The following SPAG17 variants were observed in gnomAD, a reference collection of about 807,000 sequenced individuals.
The protein encoded by SPAG17 is sperm-associated antigen 17.
A neutral mutation model predicts 273.6 loss-of-function variants in SPAG17; 169 were observed. The observed-to-expected ratio is 0.62, with a 90% confidence interval of 0.55 to 0.70. SPAG17 has a LOEUF of 0.70. Ranked by LOEUF, SPAG17 falls within the 30% of genes least tolerant of loss-of-function variation. The pLI, the probability that SPAG17 is intolerant of heterozygous loss-of-function variation, is 0.00. For synonymous variants in SPAG17, 825 were observed against 873.2 expected, an observed-to-expected ratio of 0.94 and a Z score of 0.97; for missense variants, 2,557 against 2,627.8, an observed-to-expected ratio of 0.97 and a Z score of 0.59.
At chr1:118,045,726 T>C (rs6696597) in intron 20 of SPAG17, among the ~76,000 whole-genome samples, 56,274 of 152,044 alleles carry the variant, frequency 0.37, 11,533 homozygotes, top group Non-Finnish European at 0.46. Context: ...ATACTTGTGA[T>C]TGGCATCTGA....
At chr1:117,984,225 G>A (rs1656157654) in intron 41 of SPAG17, among the ~76,000 whole-genome samples, 1 of 152,174 alleles carries the variant, frequency 6.6e-6, no homozygotes, top group Admixed American at 6.5e-5. Context: ...TGGTCCTACA[G>A]GTAGGCTGAA....
intron 28 of SPAG17, among the ~76,000 whole-genome samples, 185 bp from the exon 29 acceptor site, chr1:118,016,367 T>C (rs1280724672): frequency 6.6e-6 from 1 of 152,194 alleles, no homozygotes; most frequent in Non-Finnish European, 1.5e-5. Flanking sequence ...ATAGCGTAAT[T>C]TTAGCACTTA....
intron 3 of SPAG17, among the ~76,000 whole-genome samples, chr1:118,117,562 C>A (rs987940685): frequency 1.3e-5 from 2 of 152,210 alleles, no homozygotes; most frequent in South Asian, 2.1e-4. Flanking sequence ...CCTGCCCTGA[C>A]ATGGGGAGAC....
intron 1 of SPAG17, among the ~76,000 whole-genome samples, chr1:118,175,913 T>C (rs1293562151): frequency 1.3e-5 from 2 of 152,260 alleles, no homozygotes; most frequent in African/African-American, 4.8e-5. Flanking sequence ...ATAATAGCTA[T>C]AGCAACCTGG....
chr1:118,109,847 A>C (rs947231058), intron 4 of SPAG17, among the ~76,000 whole-genome samples: 6 of 152,152 alleles, frequency 3.9e-5, no homozygotes, highest in South Asian at 2.1e-4. Flanking sequence ...CATAAATTTG[A>C]GAGACCGTAG....
intron 20 of SPAG17, among the ~76,000 whole-genome samples, chr1:118,048,625 C>G (rs548475651): frequency 1.3e-5 from 2 of 152,280 alleles, no homozygotes; most frequent in Admixed American, 6.5e-5. Flanking sequence ...CAGCCGGGCG[C>G]AGTGGCTCAC....
chr1:118,159,357 TC>T (rs1328031943), intron 1 of SPAG17, among the ~76,000 whole-genome samples: 2 of 152,164 alleles, frequency 1.3e-5, no homozygotes, highest in African/African-American at 4.8e-5. Flanking sequence ...TTGGGTAGTG[TC>T]AAATTCTGCC....
chr1:118,177,866 T>C (rs1411070778), intron 1 of SPAG17, among the ~76,000 whole-genome samples: 1 of 152,046 alleles, frequency 6.6e-6, no homozygotes, highest in Non-Finnish European at 1.5e-5. Context: ...GATTGAACCA[T>C]GAATAAATAG....
At chr1:118,042,290 G>T (rs1451023450) in intron 20 of SPAG17, among the ~76,000 whole-genome samples, 1 of 151,990 alleles carries the variant, frequency 6.6e-6, no homozygotes, top group Non-Finnish European at 1.5e-5. Flanking sequence ...GGTTTATTTT[G>T]CAATTTCCTT....
At chr1:118,014,367 T>C (rs555625215) in intron 29 of SPAG17, among the ~76,000 whole-genome samples, 6 of 152,230 alleles carry the variant, frequency 3.9e-5, no homozygotes, top group Admixed American at 6.5e-5. Context: ...GTGATAGAGA[T>C]GAATGAGGGA....
Position 118,150,635 on chromosome 1 carries a change from AG to A in SPAG17, c.229-7del. On this transcript the variant is annotated splice_polypyrimidine_tract_variant and splice_region_variant and intron_variant, in intron 2 of 48. Coordinates refer to ENST00000336338, the MANE Select transcript of SPAG17 (RefSeq NM_206996.4). ...AGTGTATTTATTTCATTAATCTGTA[AG>A]AAAATTAAATTTACTTATGATGAAA... is the stretch of plus-strand genomic sequence containing the variant. 1 of 1,443,354 alleles carries A rather than the reference AG, an allele frequency of 6.9e-7. No homozygotes were observed. The highest frequency in any genetic ancestry group is 9.6e-7 in the Non-Finnish European group (1 of 1,045,030). The allele number at this position is 1,443,354 out of a possible 1,614,324, so 89.4% of individuals were successfully genotyped here. A position where few individuals can be genotyped will look rare whatever the true frequency, so the allele number is the denominator to read the frequency against.
At chr1:118,154,495 C>T (rs1333455348) in intron 1 of SPAG17, among the ~76,000 whole-genome samples, 1 of 152,142 alleles carries the variant, frequency 6.6e-6, no homozygotes, top group Non-Finnish European at 1.5e-5. Flanking sequence ...TCTAATTGGA[C>T]AGCATAGTTA....
chr1:117,973,566 TAGAG>T lies in SPAG17; in HGVS notation c.6005-9_6005-6del, dbSNP rs1557853050. The stretch of plus-strand genomic sequence containing the variant: ...CGGGCTCATAAGATTCTGCTTCTGT[TAGAG>T]AGAAAGCTTAAATTATGCCACATGG... On this transcript the variant is annotated splice_polypyrimidine_tract_variant and splice_region_variant and intron_variant, in intron 43 of 48. Transcript: ENST00000336338. 2.5e-6 allele frequency: 4 copies of T among 1,612,786 alleles called. No homozygotes were observed. Among genetic ancestry groups the T allele is most frequent in the East Asian group, 2.2e-5 (1 of 44,872 alleles).
chr1:118,047,473 C>T (rs1179762273), intron 20 of SPAG17, among the ~76,000 whole-genome samples: 1 of 152,004 alleles, frequency 6.6e-6, no homozygotes, highest in East Asian at 1.9e-4. Flanking sequence ...CCAGGCCCAC[C>T]TCAGTGGTCG....
intron 1 of SPAG17, among the ~76,000 whole-genome samples, chr1:118,177,603 C>T (rs901635885): frequency 6.6e-6 from 1 of 151,624 alleles, no homozygotes; most frequent in African/African-American, 2.4e-5. Flanking sequence ...GAAAATGAAG[C>T]TAAAAAAATA....
At chr1:118,121,448 G>A (rs1212722444) in intron 3 of SPAG17, among the ~76,000 whole-genome samples, 1 of 152,276 alleles carries the variant, frequency 6.6e-6, no homozygotes, top group East Asian at 1.9e-4. Context: ...TGGGCCACAT[G>A]GCAGGAGGTG....
intron 30 of SPAG17, among the ~76,000 whole-genome samples, chr1:118,010,031 A>G (rs1659309988): frequency 6.6e-6 from 1 of 152,088 alleles, no homozygotes; most frequent in Admixed American, 6.6e-5. Context: ...CAGATTCTAC[A>G]GAAGTTGAAC....
chr1:117,983,403 G>A (rs1656054620), intron 42 of SPAG17, among the ~76,000 whole-genome samples: 1 of 152,194 alleles, frequency 6.6e-6, no homozygotes, highest in Non-Finnish European at 1.5e-5. Context: ...CTCACTTACT[G>A]CTAGGTTGTC....
chr1:118,053,904 A>G (rs907265407), intron 20 of SPAG17, 98 bp downstream of exon 20: 3 of 783,108 alleles, frequency 3.8e-6, no homozygotes, highest in Admixed American at 2.7e-5. Context: ...GCTTCTTCCC[A>G]ATCACTATCC....
Sources: gnomAD v4.1 joint callset for allele counts (sites outside exome capture counted in the v4.1 genomes callset) on GRCh38, gnomAD v4.1.1 for gene constraint, MANE v1.5 for transcripts, NCBI Gene and HGNC (gene_info 2026-07-23, HGNC 2026-07-21) for gene names.